SLC44A5: variants seen among roughly 807,000 people sequenced by gnomAD.
SLC44A5 encodes choline transporter-like protein 5.
Under a neutral mutation model 101.8 loss-of-function variants are expected in SLC44A5, and 57 were observed. The ratio of observed to expected loss-of-function variants is 0.56; its 90% CI spans 0.45 to 0.70. The LOEUF is 0.70. Ranked by LOEUF, SLC44A5 falls within the 30% of genes least tolerant of loss-of-function variation. SLC44A5 has a pLI of 0.00. For missense variants in SLC44A5, 737 were observed against 853.1 expected (o/e 0.86, Z 1.70); for synonymous variants, 281 against 290.9 (o/e 0.97, Z 0.35).
At chr1:75,222,293 T>C (rs914640720) in intron 14 of SLC44A5, 68 bp downstream of exon 14, 6 of 1,167,274 alleles carry the variant, frequency 5.1e-6, no homozygotes, top group Non-Finnish European at 7.7e-6. Flanking sequence ...GAGATATTTA[T>C]GCAAGGGACA....
the SLC44A5 span, among the ~76,000 whole-genome samples, chr1:75,690,184 A>C: frequency 1.3e-5 from 2 of 152,316 alleles, no homozygotes; most frequent in Admixed American, 1.3e-4. Flanking sequence ...ACAGTTCTGC[A>C]TGACTGGTGA....
chr1:75,267,109 G>T (rs530310423), intron 6 of SLC44A5, among the ~76,000 whole-genome samples: 1 of 152,266 alleles, frequency 6.6e-6, no homozygotes, highest in South Asian at 2.1e-4. Context: ...CTAGTATATT[G>T]CATAGTGACT....
At chr1:75,258,429 G>C (rs1293224006) in intron 6 of SLC44A5, among the ~76,000 whole-genome samples, 6 of 88,066 alleles carry the variant, frequency 6.8e-5, no homozygotes, top group Non-Finnish European at 9.8e-5. Flanking sequence ...ACTGGGTGGA[G>C]CTCACCACAG....
upstream of SLC44A5, among the ~76,000 whole-genome samples, chr1:75,615,380 G>A (rs1675824572): frequency 6.7e-6 from 1 of 148,740 alleles, no homozygotes. Context: ...TGGAAGAAAA[G>A]AATAGAAGAG....
intron 2 of SLC44A5, among the ~76,000 whole-genome samples, chr1:75,412,028 C>T (rs1249797): frequency 0.26 from 38,967 of 151,862 alleles, 5,357 homozygotes; most frequent in African/African-American, 0.35. Flanking sequence ...TTTCAGCCTA[C>T]TTTTAGTATC....
At chr1:75,657,485 T>C in the SLC44A5 span, among the ~76,000 whole-genome samples, 1 of 151,254 alleles carries the variant, frequency 6.6e-6, no homozygotes, top group Non-Finnish European at 1.5e-5. Context: ...GAGCTGGAGG[T>C]TGCAGTGAGC....
chr1:75,441,803 C>T (rs1446665804), intron 2 of SLC44A5, among the ~76,000 whole-genome samples: 1 of 151,876 alleles, frequency 6.6e-6, no homozygotes, highest in Non-Finnish European at 1.5e-5. Flanking sequence ...AGATATATTA[C>T]AAGATGTATA....
intron 2 of SLC44A5, among the ~76,000 whole-genome samples, chr1:75,498,868 A>G (rs1668803474): frequency 6.6e-6 from 1 of 152,228 alleles, no homozygotes; most frequent in South Asian, 2.1e-4. Context: ...TGCTATCAGC[A>G]AATATACTCA....
At chr1:75,531,530 T>C (rs1171564884) in intron 2 of SLC44A5, among the ~76,000 whole-genome samples, 2 of 152,168 alleles carry the variant, frequency 1.3e-5, no homozygotes, top group Admixed American at 1.3e-4. Context: ...ACTGGGGATC[T>C]TGTAAAAACA....
the SLC44A5 span, among the ~76,000 whole-genome samples, chr1:75,701,557 A>G: frequency 1.3e-5 from 2 of 152,160 alleles, no homozygotes; most frequent in South Asian, 4.1e-4. Context: ...ATCATACTGA[A>G]TGGGCAAAAA....
chr1:75,683,192 G>C, the SLC44A5 span, among the ~76,000 whole-genome samples: 2 of 151,274 alleles, frequency 1.3e-5, no homozygotes, highest in Non-Finnish European at 3.0e-5. Context: ...GTGGAAGTCA[G>C]TGTGGCGATT....
At chr1:75,629,284 A>G in the SLC44A5 span, among the ~76,000 whole-genome samples, 1 of 152,168 alleles carries the variant, frequency 6.6e-6, no homozygotes, top group African/African-American at 2.4e-5. Flanking sequence ...AAATATGGAA[A>G]GGGAAACATA....
At chr1:75,280,507 TA>T (rs1437403088) in intron 5 of SLC44A5, among the ~76,000 whole-genome samples, 2 of 121,314 alleles carry the variant, frequency 1.6e-5, no homozygotes, top group Non-Finnish European at 3.2e-5. Context: ...TATATATATA[TA>T]AAAAAACACC....
rs189736795 is a variant in SLC44A5, at chr1:75,370,733, C to G, written c.52+25850G>C. The stretch of plus-strand genomic sequence containing the variant: ...ATCACCAAAGAGGGTAACTTTGATA[C>G]GGGATCAGAGTGGGTATATGGTAGG... On this transcript the variant is annotated intron_variant, in intron 3 of 23. Transcript: ENST00000370859. Among the ~76,000 whole-genome samples, 329 of 152,202 alleles carry G rather than the reference C, an allele frequency of 2.2e-3. 2 individuals are homozygous for G. Among genetic ancestry groups the G allele is most frequent in the Non-Finnish European group, 3.0e-3 (207 of 68,008 alleles).
chr1:75,662,676 A>G, the SLC44A5 span, among the ~76,000 whole-genome samples: 6 of 86,452 alleles, frequency 6.9e-5, no homozygotes, highest in Non-Finnish European at 1.2e-4. Flanking sequence ...AGATATATGT[A>G]TGTAATACCC....
At chr1:75,427,359 G>C (rs142521109) in intron 2 of SLC44A5, among the ~76,000 whole-genome samples, 4 of 152,314 alleles carry the variant, frequency 2.6e-5, no homozygotes, top group African/African-American at 9.6e-5. Context: ...ATTAGAGCTT[G>C]CCATAGGGAT....
At chr1:75,322,932 C>T (rs1028124536) in intron 4 of SLC44A5, among the ~76,000 whole-genome samples, 2 of 152,088 alleles carry the variant, frequency 1.3e-5, no homozygotes, top group African/African-American at 4.8e-5. Flanking sequence ...CAAATAAACT[C>T]TAATGTTCTT....
chr1:75,613,201 G>C (rs573670936), upstream of SLC44A5, among the ~76,000 whole-genome samples: 2 of 152,300 alleles, frequency 1.3e-5, no homozygotes, highest in South Asian at 4.1e-4. Flanking sequence ...GCTCTTGTAA[G>C]AGAATAACCA....
At chr1:75,661,883 C>T in the SLC44A5 span, among the ~76,000 whole-genome samples, 3 of 151,876 alleles carry the variant, frequency 2.0e-5, no homozygotes, top group African/African-American at 7.2e-5. Context: ...GGGGAATGCT[C>T]GTGCATGGTT....
Sources: allele counts gnomAD v4.1 joint callset (sites outside exome capture counted in the v4.1 genomes callset), GRCh38; gene constraint gnomAD v4.1.1; transcripts MANE v1.5; gene names NCBI Gene and HGNC (gene_info 2026-07-23, HGNC 2026-07-21).